SIPA1L1: variants seen among roughly 807,000 people sequenced by gnomAD.
SIPA1L1 encodes the protein signal-induced proliferation-associated 1-like protein 1.
In SIPA1L1, 26 loss-of-function variants were observed where a neutral mutation model predicts 162.7. The ratio of observed to expected loss-of-function variants is 0.16; its 90% CI spans 0.12 to 0.22. SIPA1L1 has a LOEUF of 0.22. SIPA1L1 is among the 10% of genes least tolerant of loss of function. SIPA1L1 has a pLI of 1.00. For missense variants in SIPA1L1, 1,874 were observed against 2,241.0 expected (o/e 0.84, Z 3.31); for synonymous variants, 829 against 837.4 (o/e 0.99, Z 0.17).
At chr14:71,355,521 A>G (rs1477315055) in intron 2 of SIPA1L1, among the ~76,000 whole-genome samples, 2 of 152,224 alleles carry the variant, frequency 1.3e-5, no homozygotes, top group Non-Finnish European at 2.9e-5. Context: ...CAGTTGGGGA[A>G]TGTTCTGAAA....
At chr14:71,708,012 GGTGTTTTTTTTTTTTTGT>G (rs1242931342) in intron 16 of SIPA1L1, among the ~76,000 whole-genome samples, 1 of 93,308 alleles carries the variant, frequency 1.1e-5, no homozygotes, top group African/African-American at 4.7e-5. Flanking sequence ...TTTGTTTTTT[GGTGTTTTTTTTTTTTTGT>G]TTTTTTTTTT....
At chr14:71,639,959 A>G (rs570954357) in intron 7 of SIPA1L1, among the ~76,000 whole-genome samples, 15 of 152,198 alleles carry the variant, frequency 9.9e-5, no homozygotes, top group African/African-American at 3.6e-4. Context: ...GCTGGAGTGC[A>G]GTGGCATGAT....
chr14:71,673,219 C>T (rs1318022131), intron 12 of SIPA1L1, among the ~76,000 whole-genome samples: 1 of 152,216 alleles, frequency 6.6e-6, no homozygotes, highest in Non-Finnish European at 1.5e-5. Context: ...CCCACCCAAC[C>T]CCCCACAGCT....
chr14:71,473,538 G>GT (rs1208652192), intron 2 of SIPA1L1, among the ~76,000 whole-genome samples: 3 of 152,072 alleles, frequency 2.0e-5, no homozygotes, highest in Admixed American at 1.3e-4. Context: ...CTGTTCTTTG[G>GT]TTTTTTCTTC....
At position 71,730,283 on chromosome 14, in the gene SIPA1L1, G is replaced by A; in HGVS notation, c.4843G>A (p.Gly1615Arg). The A allele has an allele frequency of 6.2e-7, 1 of 1,614,150 alleles. No individual in the cohort carries two copies. The highest frequency in any genetic ancestry group is 8.5e-7 in the Non-Finnish European group (1 of 1,180,016). The change falls in exon 20 of 24, where the codon GGA becomes AGA. Residue 1615 changes from glycine to arginine, a missense_variant. By Grantham distance (125) the Gly-to-Arg change is moderately radical. Transcript: ENST00000381232. ...LPLRRPSYTL[G>R]MKSLHGEFSA... is the part of the protein sequence containing the mutation. The stretch of plus-strand genomic sequence containing the variant: ...GTTGAGGAGGCCTTCTTACACCTTA[G>A]GAATGAAATCGCTGCATGGTAAGTG...
In SIPA1L1 at chr14:71,587,639, A is replaced by G; in HGVS notation, c.-234A>G. On this transcript the variant is annotated 5_prime_UTR_variant, in exon 5 of 24. Transcript: ENST00000381232. ...AGTTCCATTCAGTTTTTTCTGAAAG[A>G]AAGCCCTCTGTTAAAGTGAAGCAAA... The G allele has an allele frequency of 2.1e-6, 1 of 468,226 alleles. No homozygotes were observed. The highest frequency in any genetic ancestry group is 5.6e-4 in the Middle Eastern group (1 of 1,776). The allele number at this position is 468,226 out of a possible 1,614,324, so 29.0% of individuals were successfully genotyped here.
At chr14:71,396,935 CTT>C (rs2041251696) in intron 2 of SIPA1L1, among the ~76,000 whole-genome samples, 2 of 152,050 alleles carry the variant, frequency 1.3e-5, no homozygotes, top group African/African-American at 4.8e-5. Flanking sequence ...TGTAGAATAT[CTT>C]ATATTTTTTG....
intron 17 of SIPA1L1, among the ~76,000 whole-genome samples, chr14:71,722,208 C>A (rs1398679724): frequency 6.6e-6 from 1 of 152,202 alleles, no homozygotes; most frequent in Non-Finnish European, 1.5e-5. Context: ...ATGTGACAAG[C>A]AGGTATTGTG....
chr14:71,471,039 A>G (rs2047413240), intron 2 of SIPA1L1, among the ~76,000 whole-genome samples: 2 of 151,856 alleles, frequency 1.3e-5, no homozygotes, highest in African/African-American at 2.4e-5. Flanking sequence ...ACGGGTTTTC[A>G]CTGTATTAGC....
At chr14:71,496,080 A>G (rs902243728) in intron 2 of SIPA1L1, among the ~76,000 whole-genome samples, 4 of 151,482 alleles carry the variant, frequency 2.6e-5, no homozygotes, top group African/African-American at 7.3e-5. Context: ...AAGAAAAAAA[A>G]AAAAAAAGCT....
chr14:71,505,510 A>G (rs2050592472), intron 2 of SIPA1L1, among the ~76,000 whole-genome samples: 1 of 147,464 alleles, frequency 6.8e-6, no homozygotes, highest in Non-Finnish European at 1.5e-5. Context: ...TGTTTCATCT[A>G]CTTTATTATT....
chr14:71,464,097 ATC>A (rs2046806699), intron 2 of SIPA1L1, among the ~76,000 whole-genome samples: 1 of 152,192 alleles, frequency 6.6e-6, no homozygotes, highest in Non-Finnish European at 1.5e-5. Flanking sequence ...GCCCTCAGCA[ATC>A]TGTTTCACAA....
intron 3 of SIPA1L1, among the ~76,000 whole-genome samples, chr14:71,522,126 C>G (rs909528914): frequency 2.0e-5 from 3 of 152,212 alleles, no homozygotes; most frequent in South Asian, 2.1e-4. Context: ...TGATAGTTCT[C>G]TCTCTTAGTT....
chr14:71,586,986 G>A (rs1170064615), intron 4 of SIPA1L1: 8 of 152,134 alleles, frequency 5.3e-5, no homozygotes, highest in East Asian at 3.8e-4. Flanking sequence ...ATGGCTCTGG[G>A]AAAACTCTTT....
intron 2 of SIPA1L1, among the ~76,000 whole-genome samples, chr14:71,501,924 T>C (rs1372223152): frequency 6.6e-6 from 1 of 151,470 alleles, no homozygotes; most frequent in Non-Finnish European, 1.5e-5. Context: ...CATGTGCCTA[T>C]AGTCCCAACT....
At chr14:71,580,809 A>G (rs2033822054) in intron 4 of SIPA1L1, among the ~76,000 whole-genome samples, 1 of 152,172 alleles carries the variant, frequency 6.6e-6, no homozygotes, top group Non-Finnish European at 1.5e-5. Context: ...TTAGCAACAG[A>G]AAGATGGCTT....
chr14:71,710,057 G>A (rs145717339), intron 17 of SIPA1L1, among the ~76,000 whole-genome samples: 1 of 152,316 alleles, frequency 6.6e-6, no homozygotes, highest in Admixed American at 6.5e-5. Flanking sequence ...AAAGACAGAG[G>A]TCTTTTCTGA....
intron 3 of SIPA1L1, among the ~76,000 whole-genome samples, chr14:71,514,747 A>G (rs1286246508): frequency 1.3e-5 from 2 of 152,200 alleles, no homozygotes; most frequent in South Asian, 2.1e-4. Context: ...AGCCCCCTCT[A>G]AAGAATACCT....
intron 4 of SIPA1L1, among the ~76,000 whole-genome samples, chr14:71,549,755 C>A (rs1030532984): frequency 2.0e-5 from 3 of 152,230 alleles, no homozygotes; most frequent in Non-Finnish European, 2.9e-5. Flanking sequence ...TCAACTGAAA[C>A]TTGCCCTCAG....
Sources: gnomAD v4.1 joint callset for allele counts (sites outside exome capture counted in the v4.1 genomes callset) on GRCh38, gnomAD v4.1.1 for gene constraint, MANE v1.5 for transcripts, NCBI Gene and HGNC (gene_info 2026-07-23, HGNC 2026-07-21) for gene names.